HECW1: variants seen among roughly 807,000 people sequenced by gnomAD.
HECW1 encodes E3 ubiquitin-protein ligase HECW1.
A neutral mutation model predicts 182.3 loss-of-function variants in HECW1; 61 were observed. That is an observed-to-expected ratio of 0.33 (90% CI 0.27 to 0.41). HECW1 has a LOEUF of 0.41. HECW1 is among the 10% of genes least tolerant of loss of function. The pLI is 1.00. For synonymous variants in HECW1, 859 were observed against 832.6 expected (o/e 1.03, Z -0.55); for missense variants, 1,739 against 2,108.9 (o/e 0.82, Z 3.44).
chr7:43,308,089 A>ATG (rs1312961335), intron 3 of HECW1, among the ~76,000 whole-genome samples: 3 of 108,676 alleles, frequency 2.8e-5, no homozygotes, highest in African/African-American at 1.2e-4. Context: ...TATATTATAT[A>ATG]TTATATATGT....
chr7:43,171,479 G>A (rs1791683200), intron 2 of HECW1, among the ~76,000 whole-genome samples: 1 of 152,144 alleles, frequency 6.6e-6, no homozygotes, highest in African/African-American at 2.4e-5. Context: ...GTGCTGGCCA[G>A]GCTCCAAGGA....
At chr7:43,503,058 T>C (rs914459709) in intron 21 of HECW1, among the ~76,000 whole-genome samples, 1 of 152,314 alleles carries the variant, frequency 6.6e-6, no homozygotes, top group African/African-American at 2.4e-5. Flanking sequence ...GAAGTCCCTC[T>C]TAGAGGTAGT....
At chr7:43,422,938 G>C (rs2076241758) in intron 8 of HECW1, among the ~76,000 whole-genome samples, 1 of 152,068 alleles carries the variant, frequency 6.6e-6, no homozygotes, top group African/African-American at 2.4e-5. Flanking sequence ...CGAGAGTCGT[G>C]GTCTCCAGGA....
At chr7:43,259,884 C>T (rs1800987319) in intron 3 of HECW1, among the ~76,000 whole-genome samples, 1 of 151,938 alleles carries the variant, frequency 6.6e-6, no homozygotes, top group South Asian at 2.1e-4. Flanking sequence ...AGAGAATGGG[C>T]CAGAAAACAT....
intron 6 of HECW1, among the ~76,000 whole-genome samples, chr7:43,381,097 T>C (rs948050845): frequency 6.6e-6 from 1 of 152,220 alleles, no homozygotes; most frequent in South Asian, 2.1e-4. Context: ...GAAGTGAACA[T>C]TTTTTCATGT....
At chr7:43,375,574 A>C (rs2074289611) in intron 6 of HECW1, among the ~76,000 whole-genome samples, 1 of 151,726 alleles carries the variant, frequency 6.6e-6, no homozygotes, top group Non-Finnish European at 1.5e-5. Context: ...AAAAATAATA[A>C]AGAGGTATTC....
intron 3 of HECW1, among the ~76,000 whole-genome samples, chr7:43,297,029 T>C (rs541015725): frequency 6.6e-5 from 10 of 152,320 alleles, no homozygotes; most frequent in African/African-American, 1.9e-4. Context: ...CTTGGTAAAA[T>C]ATAGCTGCCT....
intron 24 of HECW1, among the ~76,000 whole-genome samples, chr7:43,533,459 G>A (rs2081066720): frequency 2.0e-5 from 3 of 152,112 alleles, no homozygotes; most frequent in Admixed American, 1.3e-4. Flanking sequence ...CATGGCTTGG[G>A]AAACAGGACA....
intron 8 of HECW1, among the ~76,000 whole-genome samples, chr7:43,419,764 A>G (rs2076122438): frequency 6.6e-6 from 1 of 152,246 alleles, no homozygotes; most frequent in Non-Finnish European, 1.5e-5. Context: ...TTGAATATAA[A>G]TTTAATTTCC....
intron 11 of HECW1, among the ~76,000 whole-genome samples, chr7:43,448,443 C>T (rs2077131569): frequency 1.3e-5 from 2 of 152,176 alleles, no homozygotes; most frequent in Admixed American, 6.5e-5. Flanking sequence ...TTTATATTCA[C>T]TCCTCCCACT....
At chr7:43,471,491 C>T (rs757677788) in intron 16 of HECW1, among the ~76,000 whole-genome samples, 2 of 152,226 alleles carry the variant, frequency 1.3e-5, no homozygotes, top group African/African-American at 2.4e-5. Flanking sequence ...ATGGGCAGAG[C>T]TGTTTGGTGT....
rs534880479 is a variant in HECW1, at chr7:43,297,685, C to T, written c.28-14078C>T. Among the ~76,000 whole-genome samples, 7 of 152,258 alleles carry T rather than the reference C, an allele frequency of 4.6e-5. No homozygotes were observed. In the South Asian group the frequency reaches 1.2e-3, roughly 27 times the overall value. On this transcript the variant is annotated intron_variant, in intron 3 of 29. Transcript: ENST00000395891. ...AAATACAGCTGCATTGGGTTTGGCTCTAAGGATTCTTCTCCAGTGTGTTTA... is the reference window on the plus strand; with the variant it reads ...AAATACAGCTGCATTGGGTTTGGCTTTAAGGATTCTTCTCCAGTGTGTTTA...
intron 17 of HECW1, among the ~76,000 whole-genome samples, chr7:43,490,335 C>T (rs916030666): frequency 2.6e-5 from 4 of 152,200 alleles, no homozygotes; most frequent in Non-Finnish European, 4.4e-5. Flanking sequence ...GAGCTCTCTC[C>T]TCCCTTTCTG....
At chr7:43,455,655 G>A (rs566445024) in intron 12 of HECW1, among the ~76,000 whole-genome samples, 2 of 152,318 alleles carry the variant, frequency 1.3e-5, no homozygotes, top group Non-Finnish European at 2.9e-5. Flanking sequence ...TTAAACAGTA[G>A]ATTTTCTCTT....
intron 2 of HECW1, among the ~76,000 whole-genome samples, chr7:43,148,377 C>T (rs1184063336): frequency 6.6e-6 from 1 of 151,922 alleles, no homozygotes; most frequent in Non-Finnish European, 1.5e-5. Context: ...GCTGACAGCA[C>T]TCCCAGCACC....
chr7:43,169,558 T>C (rs1290722758), intron 2 of HECW1, among the ~76,000 whole-genome samples: 1 of 152,228 alleles, frequency 6.6e-6, no homozygotes, highest in Non-Finnish European at 1.5e-5. Flanking sequence ...TTCACTTCTA[T>C]GAGAGTAAAA....
chr7:43,121,638 T>TC lies in HECW1; in HGVS notation c.-32+7251dup, dbSNP rs1284950016. ...ATGATGCTATTTTCTGCTCTTAGACTCCCCATCCCTCTGTAAATGTAACCA... is the reference window on the plus strand; with the variant it reads ...ATGATGCTATTTTCTGCTCTTAGACTCCCCCATCCCTCTGTAAATGTAACCA... On this transcript the variant is annotated intron_variant, in intron 2 of 29. Coordinates refer to ENST00000395891, the MANE Select transcript of HECW1 (RefSeq NM_015052.5). Among the ~76,000 whole-genome samples the TC allele has an allele frequency of 2.0e-5, 3 of 152,080 alleles. 1 individual carries two copies. Among genetic ancestry groups the TC allele is most frequent in the South Asian group, 4.1e-4 (2 of 4,824 alleles).
At chr7:43,294,832 C>T (rs960520714) in intron 3 of HECW1, among the ~76,000 whole-genome samples, 4 of 152,140 alleles carry the variant, frequency 2.6e-5, no homozygotes, top group Admixed American at 1.3e-4. Flanking sequence ...GCACCTGTGA[C>T]GCAGCCTCAG....
At chr7:43,412,112 C>T (rs1415470517) in intron 8 of HECW1, among the ~76,000 whole-genome samples, 1 of 152,054 alleles carries the variant, frequency 6.6e-6, no homozygotes, top group African/African-American at 2.4e-5. Flanking sequence ...CACGGCTTTG[C>T]GTTACTTCCT....
Sources: gnomAD v4.1 joint callset for allele counts (sites outside exome capture counted in the v4.1 genomes callset) on GRCh38, gnomAD v4.1.1 for gene constraint, MANE v1.5 for transcripts, NCBI Gene and HGNC (gene_info 2026-07-23, HGNC 2026-07-21) for gene names.